SMAP2: variants seen among roughly 807,000 people sequenced by gnomAD.
SMAP2 encodes small ArfGAP2, also known as stromal membrane-associated protein 2.
Under a neutral mutation model 56.4 loss-of-function variants are expected in SMAP2, and 25 were observed. The observed-to-expected ratio is 0.44, with a 90% CI of 0.32 to 0.62. The LOEUF is 0.62. Ranked by LOEUF, SMAP2 falls within the 20% of genes least tolerant of loss-of-function variation. SMAP2 has a pLI of 0.04. For missense variants in SMAP2, 388 were observed against 545.6 expected, an observed-to-expected ratio of 0.71 and a Z score of 2.88; for synonymous variants, 157 against 181.7, an observed-to-expected ratio of 0.86 and a Z score of 1.09.
chr1:40,387,865 C>G (rs1012476166), intron 1 of SMAP2, among the ~76,000 whole-genome samples: 1 of 147,102 alleles, frequency 6.8e-6, no homozygotes, highest in Non-Finnish European at 1.5e-5. Context: ...GAGCCAGCTC[C>G]GGGAACCGGG....
intron 5 of SMAP2, among the ~76,000 whole-genome samples, 155 bp downstream of exon 5, chr1:40,413,257 G>C (rs1042179456): frequency 1.3e-5 from 2 of 152,112 alleles, no homozygotes; most frequent in Non-Finnish European, 2.9e-5. Context: ...TATCATTTCT[G>C]CTCTCTCGTT....
At chr1:40,419,978 TTG>T (rs1645026478) in intron 9 of SMAP2, among the ~76,000 whole-genome samples, 1 of 152,258 alleles carries the variant, frequency 6.6e-6, no homozygotes, top group Admixed American at 6.5e-5. Flanking sequence ...CATGTGAAGT[TTG>T]TGGGCACTAT....
At position 40,392,026 on chromosome 1, in the gene SMAP2, T is replaced by A. The variant is rs1024491569; in HGVS notation, c.104-14710T>A. ...TCCACCTGGCTGACTTTGAAATGAT[T>A]TGCCCAGCTATTAGCTCAGCAGTCC... On this transcript the variant is annotated intron_variant, in intron 1 of 9. Transcript: ENST00000372718. 2.0e-5 allele frequency among the ~76,000 whole-genome samples: 3 copies of A among 152,226 alleles called. No individual in the cohort carries two copies. In the East Asian group the frequency reaches 5.8e-4, roughly 29 times the overall value.
At chr1:40,380,540 T>TTTTTTTC (rs375982175) in intron 1 of SMAP2, among the ~76,000 whole-genome samples, 4 of 149,934 alleles carry the variant, frequency 2.7e-5, no homozygotes, top group Non-Finnish European at 4.5e-5. Context: ...TTTTTTTTTT[T>TTTTTTTC]CTCTTTTGAG....
At chr1:40,412,186 A>G (rs1363777510) in intron 4 of SMAP2, among the ~76,000 whole-genome samples, 3 of 152,062 alleles carry the variant, frequency 2.0e-5, no homozygotes, top group African/African-American at 4.8e-5. Flanking sequence ...ATTTTGGACT[A>G]TTTTCGTAAG....
chr1:40,349,862 CTTCT>C (rs1379841433), intron 1 of SMAP2, among the ~76,000 whole-genome samples: 1 of 152,168 alleles, frequency 6.6e-6, no homozygotes, highest in Non-Finnish European at 1.5e-5. Flanking sequence ...TGTTCCATTC[CTTCT>C]AAGTTGACTT....
intron 2 of SMAP2, among the ~76,000 whole-genome samples, chr1:40,407,212 C>T (rs1166880877): frequency 2.0e-5 from 3 of 152,134 alleles, no homozygotes; most frequent in African/African-American, 4.8e-5. Context: ...TGGTCGGGCA[C>T]GGTGGCTCAT....
intron 4 of SMAP2, among the ~76,000 whole-genome samples, chr1:40,411,412 T>C (rs1339213036): frequency 2.6e-5 from 4 of 152,230 alleles, no homozygotes; most frequent in Admixed American, 2.6e-4. Context: ...GTATCTGAGA[T>C]AATTCAGATG....
At chr1:40,345,888 G>GTATTGTATTA (rs1553187229) in intron 1 of SMAP2, among the ~76,000 whole-genome samples, 106 of 120,110 alleles carry the variant, frequency 8.8e-4, no homozygotes, top group African/African-American at 3.1e-3. Context: ...ATATTGTATT[G>GTATTGTATTA]TATTATATTA....
chr1:40,377,787 A>G (rs946915841), intron 1 of SMAP2, among the ~76,000 whole-genome samples: 3 of 152,206 alleles, frequency 2.0e-5, no homozygotes, highest in Non-Finnish European at 4.4e-5. Context: ...CCACCCCGTC[A>G]GAGACTGTGT....
rs58284805 is a variant in SMAP2 at position 40,347,240 on chromosome 1, G to GTGTTTTT, written c.-83+2331_-83+2332insGTTTTTT. Among the ~76,000 whole-genome samples, 56 of 88,380 alleles carry GTGTTTTT rather than the reference G, an allele frequency of 6.3e-4. 4 individuals are homozygous for GTGTTTTT. Among genetic ancestry groups the GTGTTTTT allele is most frequent in the African/African-American group, 2.1e-3 (53 of 24,870 alleles). 58.0% of individuals were successfully genotyped at this position (88,380 alleles called of 152,430 possible). A position where few individuals can be genotyped will look rare whatever the true frequency, so the allele number is the denominator to read the frequency against. The stretch of plus-strand genomic sequence containing the variant: ...TGTGTGTGTGTGTTTGTGTGTGTGT[G>GTGTTTTT]TTTTGTTTTTGTTTTTTTTTTTTTT... On this transcript the variant is annotated intron_variant, in intron 1 of 6. Transcript: ENST00000435168.
Position 40,360,554 on chromosome 1 carries a change from C to T in SMAP2, c.-82-1746C>T, listed in dbSNP as rs564412737. ...CTGACCTCAGGTCATCCACCTGCCT[C>T]GGCCTCCCAAAGTGCTGGGATTACA... On this transcript the variant is annotated intron_variant, in intron 1 of 6. Coordinates refer to the SMAP2 transcript ENST00000435168. Among the ~76,000 whole-genome samples the T allele has an allele frequency of 4.6e-5, 7 of 151,970 alleles. No individual in the cohort carries two copies. The East Asian group carries it at 5.8e-4, about 13-fold the overall frequency.
chr1:40,354,677 G>T (rs1644425990), intron 1 of SMAP2, among the ~76,000 whole-genome samples: 1 of 149,668 alleles, frequency 6.7e-6, no homozygotes, highest in African/African-American at 2.5e-5. Context: ...TTTTAAATGA[G>T]AATTGTTTTG....
chr1:40,396,652 C>G (rs1644774859), intron 1 of SMAP2: 1 of 162,372 alleles, frequency 6.2e-6, no homozygotes, highest in Non-Finnish European at 1.3e-5. Context: ...ATTGCATAAG[C>G]CTTTATTTTG....
intron 6 of SMAP2, among the ~76,000 whole-genome samples, chr1:40,414,939 T>G (rs1170664989): frequency 6.6e-6 from 1 of 152,178 alleles, no homozygotes; most frequent in African/African-American, 2.4e-5. Context: ...TCTGTACCTT[T>G]CCTTGCTCTC....
chr1:40,416,711 C>T lies in SMAP2; in HGVS notation c.848-69C>T, dbSNP rs1569925033. The T allele has an allele frequency of 4.1e-6, 6 of 1,471,498 alleles. No individual in the cohort carries two copies. In the East Asian group the frequency reaches 1.4e-4, roughly 34 times the overall value. The allele number at this position is 1,471,498 out of a possible 1,614,324, so 91.2% of individuals were successfully genotyped here. ...GAAATTCCAGCTGGAAAGGGTTAGC[C>T]AGGGAGAGTTCGGGCTGACTTTATG... is the stretch of plus-strand genomic sequence containing the variant. On this transcript the variant is annotated intron_variant, in intron 8 of 9. Transcript: ENST00000372718.
At chr1:40,415,246 A>T in intron 6 of SMAP2, 26 bp from the exon 7 acceptor site, 1 of 1,554,576 alleles carries the variant, frequency 6.4e-7, no homozygotes, top group Non-Finnish European at 8.9e-7. Context: ...GCAGTGCTGC[A>T]TCTTAACTTC....
At chr1:40,368,029 C>T (rs1405637095) in intron 2 of SMAP2, among the ~76,000 whole-genome samples, 15 of 143,866 alleles carry the variant, frequency 1.0e-4, no homozygotes, top group East Asian at 2.1e-4. Flanking sequence ...ATAGCACCAC[C>T]GATCCCACAG....
Position 40,406,788 on chromosome 1 carries a change from T to C in SMAP2, c.156T>C (p.Ala52=). The change falls in exon 2 of 10, where the codon GCT becomes GCC. Residue 52 remains alanine (A), a synonymous_variant. Transcript: ENST00000372718. ...NIGVFICIRC[A]GIHRNLGVHI... ...GTGTGTTCATCTGCATTCGATGTGC[T>C]GGAATCCACAGGAATCTGGGGGTGC... The C allele has an allele frequency of 6.2e-7, 1 of 1,614,166 alleles. No homozygotes were observed. The highest frequency in any genetic ancestry group is 8.5e-7 in the Non-Finnish European group (1 of 1,180,004).
Sources: allele counts gnomAD v4.1 joint callset (sites outside exome capture counted in the v4.1 genomes callset), GRCh38; gene constraint gnomAD v4.1.1; transcripts MANE v1.5; gene names NCBI Gene and HGNC (gene_info 2026-07-23, HGNC 2026-07-21).